Variants in ZNF454 observed in about 807,000 individuals in gnomAD.
The protein encoded by ZNF454 is zinc finger protein 454.
Under a neutral mutation model 48.2 loss-of-function variants are expected in ZNF454, and 30 were observed. The ratio of observed to expected loss-of-function variants is 0.62; its 90% CI spans 0.47 to 0.84. The LOEUF is 0.84. Among genes scored for constraint, ZNF454 ranks in the 40% least tolerant of loss-of-function variants. The pLI is 0.00. For synonymous variants in ZNF454, 204 were observed against 211.4 expected (o/e 0.97, Z 0.30); for missense variants, 510 against 623.1 (o/e 0.82, Z 1.93).
At chr5:178,986,717 C>T in the ZNF454 span, 180 of 1,605,094 alleles carry the variant, frequency 1.1e-4, no homozygotes, top group East Asian at 3.1e-3. Flanking sequence ...GACGAGGGCA[C>T]CTCGTGGGGG....
chr5:178,985,845 T>C, the ZNF454 span: 3 of 541,980 alleles, frequency 5.5e-6, no homozygotes, highest in Admixed American at 8.5e-5. Flanking sequence ...CACAGCAACC[T>C]TCAACTCTTG....
chr5:178,969,421 G>A (rs1581885993), downstream of ZNF454: 1 of 455,708 alleles, frequency 2.2e-6, no homozygotes, highest in East Asian at 7.0e-5. Context: ...AAGAACCAGT[G>A]TTTCCTAGAA....
At chr5:178,974,539 C>G in the ZNF454 span, among the ~76,000 whole-genome samples, 1 of 152,230 alleles carries the variant, frequency 6.6e-6, no homozygotes, top group African/African-American at 2.4e-5. Context: ...AGGATGGTCT[C>G]GATCTCCTGA....
At chr5:178,975,004 C>G in the ZNF454 span, among the ~76,000 whole-genome samples, 27 of 152,294 alleles carry the variant, frequency 1.8e-4, no homozygotes, top group African/African-American at 6.3e-4. Flanking sequence ...CAAAATATAA[C>G]GACACATCAA....
chr5:178,983,191 G>T, the ZNF454 span: 4 of 1,612,596 alleles, frequency 2.5e-6, no homozygotes, highest in Non-Finnish European at 3.4e-6. Context: ...TGTGGGGGCC[G>T]GGCCCCCAGC....
the ZNF454 span, chr5:178,977,447 CTA>C: frequency 2.2e-6 from 1 of 456,268 alleles, no homozygotes; most frequent in Non-Finnish European, 4.4e-6. Context: ...GCCTCCAGAA[CTA>C]TGAGAAATGT....
chr5:178,968,105 TCACACACACACACACACACA>T (rs3031585), downstream of ZNF454, among the ~76,000 whole-genome samples: 3,863 of 145,080 alleles, frequency 0.027, 80 homozygotes, highest in South Asian at 0.08. Context: ...CATCTGTGCA[TCACACACACACACACACACA>T]CACACACACA....
At chr5:178,981,637 T>A in the ZNF454 span, 1 of 1,590,098 alleles carries the variant, frequency 6.3e-7, no homozygotes, top group Non-Finnish European at 8.6e-7. This position sits in a 1 kb window ranked among gnomAD's most constrained non-coding sequence, Gnocchi z 5.1. Context: ...CAGCAAGCAG[T>A]CCCGTTCCCA....
chr5:178,973,804 C>T, the ZNF454 span, among the ~76,000 whole-genome samples: 75,242 of 147,164 alleles, frequency 0.51, 19,892 homozygotes, highest in Non-Finnish European at 0.59. Context: ...GATCGCGCCA[C>T]TGCACTCCAG....
chr5:178,968,204 C>T (rs2113289219), downstream of ZNF454, among the ~76,000 whole-genome samples: 1 of 152,024 alleles, frequency 6.6e-6, no homozygotes, highest in Non-Finnish European at 1.5e-5. Context: ...CTACTGCAAG[C>T]TGGAATATAT....
intron 2 of ZNF454, among the ~76,000 whole-genome samples, chr5:178,945,536 G>C (rs1231470058): frequency 6.7e-6 from 1 of 149,558 alleles, no homozygotes; most frequent in African/African-American, 2.5e-5. Context: ...GGGGGGTGTG[G>C]GTATGGGTCT....
the ZNF454 span, among the ~76,000 whole-genome samples, chr5:178,982,576 C>CAAAAAAAAAA: frequency 1.5e-4 from 3 of 20,184 alleles, 1 homozygote; most frequent in Non-Finnish European, 2.3e-4. Context: ...GACTCTGTCT[C>CAAAAAAAAAA]AAAAAAAAAA....
At chr5:178,968,695 G>A (rs1180219606), downstream of ZNF454, 1 of 448,188 alleles carries the variant, frequency 2.2e-6, no homozygotes. Context: ...CCCCATCCAT[G>A]TAATGTGCCA....
In ZNF454 at chr5:178,959,144, A is replaced by G. The variant is rs543568064; in HGVS notation, c.251-5511A>G. On this transcript the variant is annotated intron_variant, in intron 4 of 4. Coordinates refer to ENST00000519564, the MANE Select transcript of ZNF454 (RefSeq NM_001178089.3). ...TATTTTGTCTTAAATACTTGAGTCT[A>G]CAGTCCATATGGAAGATTGATTGCT... 5.9e-5 allele frequency among the ~76,000 whole-genome samples: 9 copies of G among 152,150 alleles called. No homozygotes were observed. In the East Asian group the frequency reaches 1.7e-3, roughly 29 times the overall value.
rs539422209 is a variant in ZNF454, at chr5:178,950,488, C to T, written c.250+3502C>T. Among the ~76,000 whole-genome samples, 6 of 152,288 alleles carry T rather than the reference C, an allele frequency of 3.9e-5. No homozygotes were observed. The East Asian group carries it at 7.7e-4, about 20-fold the overall frequency. Reference sequence around the variant, plus strand: ...GCATGAAGCCGGCAGGAGACTCGCCCGACCCTTCAAGTGTTGCACTTTTTT... The same window carrying T: ...GCATGAAGCCGGCAGGAGACTCGCCTGACCCTTCAAGTGTTGCACTTTTTT... On this transcript the variant is annotated intron_variant, in intron 4 of 4. Transcript: ENST00000519564.
the ZNF454 span, among the ~76,000 whole-genome samples, chr5:178,984,936 G>A: frequency 2.0e-5 from 3 of 152,240 alleles, no homozygotes; most frequent in South Asian, 6.2e-4. Context: ...CAAGCCATCT[G>A]TCTCTCGTAC....
downstream of ZNF454, among the ~76,000 whole-genome samples, chr5:178,971,427 G>A (rs927895128): frequency 2.0e-5 from 3 of 152,120 alleles, no homozygotes; most frequent in African/African-American, 4.8e-5. Flanking sequence ...CCTGGTGCTC[G>A]GCCCTGGGGT....
chr5:178,941,346 T>C lies in ZNF454; in HGVS notation c.-206T>C. ...CGCAGAGGGAGAGCGGGAGCGGTCG[T>C]GAGGTCGTCTGGGGAGAAGGGCGGA... On this transcript the variant is annotated 5_prime_UTR_variant, in exon 1 of 5. Coordinates refer to ENST00000519564, the MANE Select transcript of ZNF454 (RefSeq NM_001178089.3). The surrounding 1 kb of genome is among the most constrained non-coding windows in gnomAD (Gnocchi z 5.5). The C allele has an allele frequency of 1.8e-5, 8 of 453,996 alleles. No individual in the cohort carries two copies. The highest frequency in any genetic ancestry group is 1.2e-4 in the South Asian group (8 of 64,180). 28.1% of individuals were successfully genotyped at this position (453,996 alleles called of 1,614,324 possible). A position where few individuals can be genotyped will look rare whatever the true frequency, so the allele number is the denominator to read the frequency against.
In ZNF454 at chr5:178,965,112, A is replaced by G. The variant is rs750254899; in HGVS notation, c.708A>G (p.Arg236=). 6.2e-7 allele frequency: 1 copy of G among 1,614,206 alleles called. No homozygotes were observed. Among genetic ancestry groups the G allele is most frequent in the South Asian group, 1.1e-5 (1 of 91,084 alleles). The part of the protein sequence containing the change: ...HQSTHLIHHQ[R]IHTGEKPYEC... ...GTACGCACCTTATCCATCACCAAAG[A>G]ATTCACACTGGCGAGAAACCCTATG... Residue 236 remains arginine (R), a synonymous_variant, in exon 5 of 5, where the codon AGA becomes AGG. Transcript: ENST00000519564. The surrounding 1 kb of genome is among the most constrained non-coding windows in gnomAD (Gnocchi z 5.2).
Sources: gnomAD v4.1 joint callset for allele counts (sites outside exome capture counted in the v4.1 genomes callset) on GRCh38, gnomAD v4.1.1 for gene constraint, Gnocchi (gnomAD v3.1) non-coding constraint, MANE v1.5 for transcripts, NCBI Gene and HGNC (gene_info 2026-07-23, HGNC 2026-07-21) for gene names.